The following TBL1XR1 variants were observed in gnomAD, a reference collection of about 807,000 sequenced individuals.
TBL1XR1 encodes the protein TBL1X/Y related 1, also known as F-box-like/WD repeat-containing protein TBL1XR1.
A neutral mutation model predicts 66.9 loss-of-function variants in TBL1XR1; 5 were observed. The ratio of observed to expected loss-of-function variants is 0.07; its 90% confidence interval spans 0.04 to 0.16. The LOEUF (loss-of-function observed/expected upper bound fraction) is 0.16, where lower values mean the gene tolerates loss of function less well. TBL1XR1 is among the 10% of genes least tolerant of loss of function. TBL1XR1 has a pLI of 1.00. For synonymous variants in TBL1XR1, 210 were observed against 206.0 expected (o/e 1.02, Z -0.17); for missense variants, 238 against 623.2 (o/e 0.38, Z 6.58).
chr3:177,092,248 A>C (rs1168325229), intron 2 of TBL1XR1, among the ~76,000 whole-genome samples: 1 of 152,274 alleles, frequency 6.6e-6, no homozygotes, highest in South Asian at 2.1e-4. Flanking sequence ...CCTGTGAAAT[A>C]TTCTGCCACC....
In TBL1XR1 at chr3:177,023,902, A is replaced by G. The variant is rs185395801; in HGVS notation, c.*1596T>C. The stretch of plus-strand genomic sequence containing the variant: ...TCTTCGAGATATAAATTTGATGACT[A>G]TTCTCTTCAGAAATGACATACCTGG... On this transcript the variant is annotated 3_prime_UTR_variant, in exon 16 of 16. Transcript: ENST00000457928. The G allele has an allele frequency of 4.6e-5, 7 of 152,160 alleles. No individual in the cohort carries two copies. The East Asian group carries it at 9.6e-4, about 21-fold the overall frequency. The allele number at this position is 152,160 out of a possible 1,614,324, so 9.4% of individuals were successfully genotyped here.
rs182221394 is a variant in TBL1XR1 at position 177,139,014 on chromosome 3, C to G, written c.-121-40473G>C. On this transcript the variant is annotated intron_variant, in intron 1 of 15. Coordinates refer to ENST00000457928, the MANE Select transcript of TBL1XR1 (RefSeq NM_024665.7). The stretch of plus-strand genomic sequence containing the variant: ...ATATACATACTGCAACAGAAACATA[C>G]TTTAACTAACAATACTAACCAAGAT... 1.6e-4 allele frequency among the ~76,000 whole-genome samples: 25 copies of G among 152,274 alleles called. No individual in the cohort carries two copies. The Middle Eastern group carries it at 0.014, about 83-fold the overall frequency.
intron 1 of TBL1XR1, among the ~76,000 whole-genome samples, chr3:177,165,492 T>A (rs1317908801): frequency 6.6e-6 from 1 of 152,166 alleles, no homozygotes; most frequent in African/African-American, 2.4e-5. Flanking sequence ...CAAACTTAAG[T>A]CTTAAGTTTA....
chr3:177,168,635 C>T (rs979385612), intron 1 of TBL1XR1, among the ~76,000 whole-genome samples: 6 of 152,148 alleles, frequency 3.9e-5, no homozygotes, highest in African/African-American at 1.2e-4. Context: ...TCAGTTGTTA[C>T]TGCTTCACTT....
intron 1 of TBL1XR1, among the ~76,000 whole-genome samples, chr3:177,163,600 CCCTAATATTTGTAT>C (rs1732476423): frequency 6.6e-6 from 1 of 151,582 alleles, no homozygotes; most frequent in South Asian, 2.1e-4. Flanking sequence ...GTGACTAGTA[CCCTAATATTTGTAT>C]TTAAAACAAT....
intron 2 of TBL1XR1, 121 bp downstream of exon 2, chr3:177,098,345 A>C (rs768587988): frequency 1.7e-5 from 6 of 346,462 alleles, no homozygotes; most frequent in African/African-American, 6.7e-5. Flanking sequence ...TAAAAAAAAA[A>C]CACTTACTTA....
At chr3:177,051,099 G>C (rs28649009) in intron 5 of TBL1XR1, among the ~76,000 whole-genome samples, 6 of 151,918 alleles carry the variant, frequency 3.9e-5, no homozygotes, top group Non-Finnish European at 5.9e-5. Flanking sequence ...AGGGTTTCTA[G>C]ATATTTTAAA....
intron 2 of TBL1XR1, among the ~76,000 whole-genome samples, chr3:177,072,573 G>C (rs1422950562): frequency 6.6e-6 from 1 of 151,964 alleles, no homozygotes; most frequent in Non-Finnish European, 1.5e-5. Flanking sequence ...TTAATATGCT[G>C]TGTGTGTAAC....
chr3:177,133,096 G>A (rs1324631121), intron 1 of TBL1XR1, among the ~76,000 whole-genome samples: 2 of 152,120 alleles, frequency 1.3e-5, no homozygotes, highest in Non-Finnish European at 2.9e-5. Context: ...GACCAGCCTG[G>A]CCAGCATGGC....
chr3:177,200,664 G>C (rs1737321725), upstream of TBL1XR1, among the ~76,000 whole-genome samples: 1 of 152,190 alleles, frequency 6.6e-6, no homozygotes, highest in African/African-American at 2.4e-5. Flanking sequence ...TGTGTTTCTA[G>C]AAAGGAGATA....
chr3:177,067,869 T>C (rs1719374366), intron 2 of TBL1XR1, among the ~76,000 whole-genome samples: 1 of 152,184 alleles, frequency 6.6e-6, no homozygotes, highest in Admixed American at 6.5e-5. Context: ...TATAGCCAAA[T>C]GAACGCTCTA....
rs1712928056 is a variant in TBL1XR1 at position 177,025,145 on chromosome 3, G to GGA, written c.*351_*352dup. The GGA allele has an allele frequency of 4.3e-6, 1 of 234,948 alleles. No individual in the cohort carries two copies. Among genetic ancestry groups the GGA allele is most frequent in the Non-Finnish European group, 8.2e-6 (1 of 122,532 alleles). 14.6% of individuals were successfully genotyped at this position (234,948 alleles called of 1,614,324 possible). ...TCCATGGTGTCTGCTGATTCAAAGG[G>GGA]GAGAAACAAGGCTGTCATTTAGTAT... On this transcript the variant is annotated 3_prime_UTR_variant, in exon 16 of 16. Coordinates refer to ENST00000457928, the MANE Select transcript of TBL1XR1 (RefSeq NM_024665.7).
At chr3:177,091,048 T>A (rs1437685572) in intron 2 of TBL1XR1, 6 of 145,084 alleles carry the variant, frequency 4.1e-5, no homozygotes, top group Non-Finnish European at 4.5e-5. Context: ...AAAAGGGAAA[T>A]GGGAGCAGGA....
At chr3:177,147,986 C>A (rs1730450946) in intron 1 of TBL1XR1, among the ~76,000 whole-genome samples, 1 of 152,206 alleles carries the variant, frequency 6.6e-6, no homozygotes. Flanking sequence ...TATGGTAACA[C>A]CCAGAATCTT....
At chr3:177,035,753 G>C (rs1714691234) in intron 12 of TBL1XR1, among the ~76,000 whole-genome samples, 1 of 152,124 alleles carries the variant, frequency 6.6e-6, no homozygotes, top group Non-Finnish European at 1.5e-5. Flanking sequence ...CCCTGACCCA[G>C]CAATGGATGA....
At chr3:177,112,626 C>T (rs1194122532) in intron 1 of TBL1XR1, among the ~76,000 whole-genome samples, 2 of 151,932 alleles carry the variant, frequency 1.3e-5, no homozygotes, top group African/African-American at 2.4e-5. Flanking sequence ...TAATATTGTC[C>T]GTTTTAAAAA....
chr3:177,032,824 C>G, intron 14 of TBL1XR1, 147 bp downstream of exon 14: 1 of 566,614 alleles, frequency 1.8e-6, no homozygotes, highest in Non-Finnish European at 2.8e-6. Flanking sequence ...AAAGATATAA[C>G]TTCCATTAGT....
rs1421528409 is a variant in TBL1XR1, at chr3:177,024,545, T to C, written c.*953A>G. ...TTGCTCCTTTTCACAATAGTGCACATTTTTACCATAATTTAGTTATGGCTA... is the reference window on the plus strand; with the variant it reads ...TTGCTCCTTTTCACAATAGTGCACACTTTTACCATAATTTAGTTATGGCTA... On this transcript the variant is annotated 3_prime_UTR_variant, in exon 16 of 16. Transcript: ENST00000457928. The C allele has an allele frequency of 6.6e-6, 1 of 152,174 alleles. No individual in the cohort carries two copies. Among genetic ancestry groups the C allele is most frequent in the Non-Finnish European group, 1.5e-5 (1 of 67,936 alleles). The allele number at this position is 152,174 out of a possible 1,614,324, so 9.4% of individuals were successfully genotyped here.
chr3:177,113,540 C>A (rs906792938), intron 1 of TBL1XR1, among the ~76,000 whole-genome samples: 1 of 152,022 alleles, frequency 6.6e-6, no homozygotes, highest in Non-Finnish European at 1.5e-5. Context: ...TATTTAAAAT[C>A]GGCAAAATGG....
Sources: gnomAD v4.1 joint callset for allele counts (sites outside exome capture counted in the v4.1 genomes callset) on GRCh38, gnomAD v4.1.1 for gene constraint, MANE v1.5 for transcripts, NCBI Gene and HGNC (gene_info 2026-07-23, HGNC 2026-07-21) for gene names.